The following CHAT variants were observed in gnomAD, a reference collection of about 807,000 sequenced individuals.
The protein encoded by CHAT is choline O-acetyltransferase.
Under a neutral mutation model 76.9 loss-of-function variants are expected in CHAT, and 61 were observed. The observed-to-expected ratio is 0.79, with a 90% CI of 0.65 to 0.98. CHAT has a LOEUF of 0.98. CHAT is among the 50% of genes least tolerant of loss of function. The pLI is 0.00. For missense variants in CHAT, 946 were observed against 986.9 expected, an observed-to-expected ratio of 0.96 and a Z score of 0.56; for synonymous variants, 407 against 397.4, an observed-to-expected ratio of 1.02 and a Z score of -0.29.
chr10:49,667,195 G>A lies in CHAT; in HGVS notation c.*2149G>A, dbSNP rs1002154861. ...AGTAGCTAATGTCTAAAAGACACAG[G>A]GGCCAGGAGAGAAAAGGGAGGAAAG... On this transcript the variant is annotated 3_prime_UTR_variant, in exon 15 of 15. Coordinates refer to ENST00000337653, the MANE Select transcript of CHAT (RefSeq NM_020549.5). Among the ~76,000 whole-genome samples, 1 of 152,154 alleles carries A rather than the reference G, an allele frequency of 6.6e-6. No homozygotes were observed. The highest frequency in any genetic ancestry group is 2.4e-5 in the African/African-American group (1 of 41,430).
upstream of CHAT, among the ~76,000 whole-genome samples, chr10:49,609,711 C>G (rs1838238534): frequency 6.6e-6 from 1 of 151,490 alleles, no homozygotes; most frequent in South Asian, 2.1e-4. Context: ...GTTGCTGAGC[C>G]TTCCCCTCCC....
At position 49,614,355 on chromosome 10, in the gene CHAT, G is replaced by C. The variant is rs1035380885; in HGVS notation, c.166G>C (p.Gly56Arg). 32 of 1,546,122 alleles carry C rather than the reference G, an allele frequency of 2.1e-5. No homozygotes were observed. The highest frequency in any genetic ancestry group is 2.6e-5 in the Non-Finnish European group (30 of 1,145,536). The stretch of plus-strand genomic sequence containing the variant: ...CGTCGGAGGCCCTGCCGGGAACCCA[G>C]GCTGCAGCCCCCACCCCCGCGCTGC... ...GDVGGPAGNP[G>R]CSPHPRAATR... The change falls in exon 1 of 15, where the codon GGC becomes CGC. Residue 56 changes from glycine (G) to arginine (R), a missense_variant. Physicochemically the swap from Gly to Arg is moderately radical, Grantham distance 125. This residue lies in a region of CHAT where 548 missense variants were observed against 516.2 expected (regional missense o/e 1.06). Coordinates refer to ENST00000337653, the MANE Select transcript of CHAT (RefSeq NM_020549.5).
intron 1 of CHAT, among the ~76,000 whole-genome samples, chr10:49,615,428 A>G (rs2132698693): frequency 6.6e-6 from 1 of 152,336 alleles, no homozygotes; most frequent in South Asian, 2.1e-4. Flanking sequence ...ACTGCAAGGC[A>G]GCCCCAGGCT....
intron 7 of CHAT, among the ~76,000 whole-genome samples, chr10:49,643,975 G>A (rs887461839): frequency 6.6e-6 from 1 of 152,226 alleles, no homozygotes; most frequent in Non-Finnish European, 1.5e-5. Flanking sequence ...TTGGGGTCAT[G>A]TGCTGTGCAG....
chr10:49,651,834 T>C, intron 10 of CHAT, 50 bp from the exon 11 acceptor site: 8 of 1,582,332 alleles, frequency 5.1e-6, no homozygotes, highest in Non-Finnish European at 6.0e-6. Context: ...CCCAGATGCA[T>C]GCATACTGTT....
rs1227975354 is a variant in CHAT at position 49,617,892 on chromosome 10, C to T, written c.387+1290C>T. On this transcript the variant is annotated intron_variant, in intron 2 of 14. Transcript: ENST00000337653. Reference sequence around the variant, plus strand: ...AGCAGCCCGTAGTTGGCACTGACACCCCACTGTTGCCAGAGAAGTGAACCC... The same window carrying T: ...AGCAGCCCGTAGTTGGCACTGACACTCCACTGTTGCCAGAGAAGTGAACCC... Among the ~76,000 whole-genome samples the T allele has an allele frequency of 2.0e-5, 3 of 152,308 alleles. No homozygotes were observed. The East Asian group carries it at 5.8e-4, about 29-fold the overall frequency.
intron 13 of CHAT, chr10:49,661,453 T>A (rs1840191583): frequency 1.3e-5 from 2 of 152,258 alleles, no homozygotes; most frequent in South Asian, 4.1e-4. Flanking sequence ...GTGTAATGTT[T>A]GTCTTTTCAG....
intron 7 of CHAT, chr10:49,637,365 C>T (rs1839329347): frequency 6.6e-6 from 1 of 152,094 alleles, no homozygotes; most frequent in African/African-American, 2.4e-5. Flanking sequence ...TCCCTTAAAA[C>T]TCTGATATGG....
intron 7 of CHAT, among the ~76,000 whole-genome samples, chr10:49,633,389 C>T (rs928070474): frequency 1.3e-5 from 2 of 152,180 alleles, no homozygotes; most frequent in Non-Finnish European, 2.9e-5. Context: ...TTTGTTACAC[C>T]TGCGAGGTGG....
Position 49,655,169 on chromosome 10 carries a change from T to C in CHAT, c.1709T>C (p.Ile570Thr). The change falls in exon 12 of 15, where the codon ATC becomes ACC. Residue 570 changes from isoleucine (I) to threonine (T), a missense_variant. Physicochemically the swap from Ile to Thr is moderately conservative, Grantham distance 89 (BLOSUM62 -1). Transcript: ENST00000337653. ...RRFQEGRVDN[I>T]RSATPEALAF... Reference sequence around the variant, plus strand: ...TTCCAGGAGGGACGCGTGGACAACATCAGATCGGCCACTCCAGAGGCACTG... The same window carrying C: ...TTCCAGGAGGGACGCGTGGACAACACCAGATCGGCCACTCCAGAGGCACTG... 6.2e-7 allele frequency: 1 copy of C among 1,613,812 alleles called. No homozygotes were observed. Among genetic ancestry groups the C allele is most frequent in the South Asian group, 1.1e-5 (1 of 91,062 alleles).
intron 5 of CHAT, 150 bp downstream of exon 5, chr10:49,622,300 A>G (rs1204522823): frequency 2.4e-6 from 2 of 842,452 alleles, no homozygotes; most frequent in Non-Finnish European, 4.1e-6. Context: ...CTCCCCCACC[A>G]TCAGGATGAC....
At chr10:49,609,644 C>G (rs1414726450), upstream of CHAT, among the ~76,000 whole-genome samples, 1 of 152,028 alleles carries the variant, frequency 6.6e-6, no homozygotes, top group Non-Finnish European at 1.5e-5. Flanking sequence ...CTCCCGGCCG[C>G]GATTCGCGGC....
Position 49,651,980 on chromosome 10 carries a change from G to A in CHAT, c.1608G>A (p.Gln536=), listed in dbSNP as rs758135155. The A allele has an allele frequency of 6.2e-7, 1 of 1,614,232 alleles. No individual in the cohort carries two copies. Among genetic ancestry groups the A allele is most frequent in the Non-Finnish European group, 8.5e-7 (1 of 1,180,044 alleles). Residue 536 remains glutamine, a synonymous_variant, in exon 11 of 15, where the codon CAG becomes CAA. Transcript: ENST00000337653. ...AATGCAGCCCTGATGCCTTCATCCA[G>A]GTGGCCCTCCAGCTGGCCTTCTACA... ...KQKCSPDAFI[Q]VALQLAFYRL...
At chr10:49,626,719 A>C (rs897757578) in intron 6 of CHAT, among the ~76,000 whole-genome samples, 2 of 152,208 alleles carry the variant, frequency 1.3e-5, no homozygotes, top group African/African-American at 4.8e-5. Flanking sequence ...CCATACAGAC[A>C]CTGCTAGGGG....
chr10:49,624,439 C>A (rs1838841612), intron 5 of CHAT, among the ~76,000 whole-genome samples: 2 of 152,166 alleles, frequency 1.3e-5, no homozygotes, highest in Non-Finnish European at 1.5e-5. Flanking sequence ...GACACTTCAC[C>A]CTTAGGGCTC....
At chr10:49,658,034 G>A (rs978099175) in intron 13 of CHAT, among the ~76,000 whole-genome samples, 3 of 152,184 alleles carry the variant, frequency 2.0e-5, no homozygotes, top group Admixed American at 1.3e-4. Context: ...AGACATAAAA[G>A]AGTAAAACCA....
rs1195667737 is a variant in CHAT, at chr10:49,665,196, G to T, written c.*150G>T. On this transcript the variant is annotated 3_prime_UTR_variant, in exon 15 of 15. Transcript: ENST00000337653. Reference sequence around the variant, plus strand: ...CATACAGAGACATCACACAGAGCCGGAGTGTTAGGAGGAAAGGGTCCCCTC... The same window carrying T: ...CATACAGAGACATCACACAGAGCCGTAGTGTTAGGAGGAAAGGGTCCCCTC... 1 of 855,798 alleles carries T rather than the reference G, an allele frequency of 1.2e-6. No individual in the cohort carries two copies. The highest frequency in any genetic ancestry group is 1.9e-6 in the Non-Finnish European group (1 of 522,250). 53.0% of individuals were successfully genotyped at this position (855,798 alleles called of 1,614,324 possible). A position where few individuals can be genotyped will look rare whatever the true frequency, so the allele number is the denominator to read the frequency against.
intron 5 of CHAT, among the ~76,000 whole-genome samples, chr10:49,625,194 A>G (rs1838872293): frequency 6.6e-6 from 1 of 152,224 alleles, no homozygotes; most frequent in African/African-American, 2.4e-5. Flanking sequence ...AGAGAAGATC[A>G]GCATAAGCAA....
At chr10:49,611,628 C>T (rs777967155), upstream of CHAT, 7 of 1,611,562 alleles carry the variant, frequency 4.3e-6, no homozygotes, top group Non-Finnish European at 2.5e-6. Context: ...TGGTGGCCGG[C>T]GCGCTCACCA....
Sources: allele counts gnomAD v4.1 joint callset (sites outside exome capture counted in the v4.1 genomes callset), GRCh38; gene constraint gnomAD v4.1.1; regional missense constraint gnomAD v4.1.1; transcripts MANE v1.5; gene names NCBI Gene and HGNC (gene_info 2026-07-23, HGNC 2026-07-21).